IGFN1: variants seen among roughly 807,000 people sequenced by gnomAD.
The protein encoded by IGFN1 is immunoglobulin-like and fibronectin type III domain-containing protein 1.
A neutral mutation model predicts 289.5 loss-of-function variants in IGFN1; 253 were observed. That is an observed-to-expected ratio of 0.87 (90% confidence interval 0.79 to 0.97). The LOEUF is 0.97. Ranked by LOEUF, IGFN1 falls within the 50% of genes least tolerant of loss-of-function variation. The pLI, the probability that IGFN1 is intolerant of heterozygous loss-of-function variation, is 0.00. For missense variants in IGFN1, 4,470 were observed against 4,686.1 expected (o/e 0.95, Z 1.35); for synonymous variants, 1,706 against 1,788.5 (o/e 0.95, Z 1.16).
chr1:201,192,459 C>T (rs998385061), intron 1 of IGFN1, among the ~76,000 whole-genome samples: 3 of 152,120 alleles, frequency 2.0e-5, no homozygotes, highest in African/African-American at 7.2e-5. Context: ...GTGGGACTCC[C>T]CATTGGCCAT....
In IGFN1 at chr1:201,205,320, G is replaced by A; in HGVS notation, c.1155G>A (p.Gly385=). 1 of 1,547,382 alleles carries A rather than the reference G, an allele frequency of 6.5e-7. No individual in the cohort carries two copies. Residue 385 remains glycine (G), a synonymous_variant, in exon 11 of 24, where the codon GGG becomes GGA. Coordinates refer to ENST00000335211, the MANE Select transcript of IGFN1 (RefSeq NM_001164586.2). ...SDMGPYSLGT[G]LYTSSAWLVV... Reference sequence around the variant, plus strand: ...TGGGCCCCTATTCGCTGGGCACCGGGCTCTACACTTCCAGCGCCTGGCTGG... The same window carrying A: ...TGGGCCCCTATTCGCTGGGCACCGGACTCTACACTTCCAGCGCCTGGCTGG...
rs1371330911 is a variant in IGFN1 at position 201,212,259 on chromosome 1, A to G, written c.7366A>G (p.Thr2456Ala). 1 of 1,535,336 alleles carries G rather than the reference A, an allele frequency of 6.5e-7. No individual in the cohort carries two copies. Among genetic ancestry groups the G allele is most frequent in the Non-Finnish European group, 8.7e-7 (1 of 1,146,360 alleles). The change falls in exon 12 of 24, where the codon ACT (threonine) becomes GCT (alanine). Residue 2456 changes from threonine (T) to alanine (A), a missense_variant. Physicochemically the swap from Thr to Ala is moderately conservative, Grantham distance 58 (BLOSUM62 0). Transcript: ENST00000335211. ...GVLGSQGGRQ[T>A]LSDERGSTKD... The stretch of plus-strand genomic sequence containing the variant: ...GCTGGGGTCTCAGGGAGGGCGACAG[A>G]CTCTTTCAGATGAGCGAGGCTCCAC...
In IGFN1 at chr1:201,200,404, T is replaced by C. The variant is rs199649936; in HGVS notation, c.626T>C (p.Met209Thr). ...ATGAAGAAGGAACAGGAGGACAAGA[T>C]GGCACAGGTGCCTCACCCCATTCCC... Reference protein sequence around the residue: ...QEMKKEQEDKMAQYINTISSL... With the variant: ...QEMKKEQEDKTAQYINTISSL... The change falls in exon 8 of 24, where the codon ATG (methionine) becomes ACG (threonine). Residue 209 changes from methionine to threonine, a missense_variant. Coordinates refer to ENST00000335211, the MANE Select transcript of IGFN1 (RefSeq NM_001164586.2). The C allele has an allele frequency of 9.2e-4, 1,435 of 1,551,474 alleles. 3 individuals are homozygous for C. Among genetic ancestry groups the C allele is most frequent in the Non-Finnish European group, 1.2e-3 (1,366 of 1,146,888 alleles).
At chr1:201,197,441 C>T in intron 5 of IGFN1, 124 bp downstream of exon 5, 1 of 664,244 alleles carries the variant, frequency 1.5e-6, no homozygotes, top group Non-Finnish European at 2.7e-6. Flanking sequence ...GCTGCTGCCG[C>T]TGCTGCAGCC....
rs1466138769 is a variant in IGFN1, at chr1:201,208,884, C to T, written c.3991C>T (p.Pro1331Ser). ...AGGTTATAGGAAAGATTTAGGGGCT[C>T]CTGAGGGAATAAGTTCAGGGAGCAA... ...EAGYRKDLGA[P>S]EGISSGSKAD... The change falls in exon 12 of 24, where the codon CCT becomes TCT. Residue 1331 changes from proline to serine, a missense_variant. Around this residue, in one of 8 missense-constraint regions of IGFN1, gnomAD observed 2,011 missense variants for 1,953.4 expected, o/e 1.03. Transcript: ENST00000335211. 2 of 1,536,078 alleles carry T rather than the reference C, an allele frequency of 1.3e-6. No individual in the cohort carries two copies. The highest frequency in any genetic ancestry group is 1.2e-5 in the South Asian group (1 of 83,996).
At position 201,214,220 on chromosome 1, in the gene IGFN1, G is replaced by A. The variant is rs1205532626; in HGVS notation, c.8772G>A (p.Val2924=). 6.2e-7 allele frequency: 1 copy of A among 1,613,372 alleles called. No homozygotes were observed. Among genetic ancestry groups the A allele is most frequent in the Admixed American group, 1.7e-5 (1 of 60,010 alleles). ...CCCAGGGCCTGGCTGACATGGAAGT[G>A]CAGCCGGGGGAGGCCGCCACACTCT... ...HFSQGLADME[V]QPGEAATLSC... Residue 2924 remains valine (V), a synonymous_variant, in exon 13 of 24, where the codon GTG becomes GTA. Coordinates refer to ENST00000335211, the MANE Select transcript of IGFN1 (RefSeq NM_001164586.2).
Position 201,208,831 on chromosome 1 carries a change from C to A in IGFN1, c.3938C>A (p.Ser1313Tyr), listed in dbSNP as rs1301439774. 6.5e-7 allele frequency: 1 copy of A among 1,535,850 alleles called. No individual in the cohort carries two copies. The highest frequency in any genetic ancestry group is 1.4e-5 in the African/African-American group (1 of 72,648). The change falls in exon 12 of 24, where the codon TCT (serine) becomes TAT (tyrosine). Residue 1313 changes from serine (S) to tyrosine (Y), a missense_variant. By Grantham distance (144) the Ser-to-Tyr change is moderately radical. Transcript: ENST00000335211. ...GATTATAGGGATGGTGTAGGGGGTT[C>A]TGGGGCAATGGGGTCAATGGATGAA... ...KADYRDGVGG[S>Y]GAMGSMDEAG...
chr1:201,226,526 G>A (rs1171023606), intron 22 of IGFN1, among the ~76,000 whole-genome samples: 2 of 152,114 alleles, frequency 1.3e-5, no homozygotes, highest in Non-Finnish European at 2.9e-5. Flanking sequence ...ATCAAATCAA[G>A]GTTTCATTTT....
At position 201,216,743 on chromosome 1, in the gene IGFN1, G is replaced by A; in HGVS notation, c.9585G>A (p.Val3195=). The A allele has an allele frequency of 6.2e-7, 1 of 1,603,546 alleles. No homozygotes were observed. The highest frequency in any genetic ancestry group is 8.5e-7 in the Non-Finnish European group (1 of 1,173,530). ...CCCTGGAGTCTGAGGAGATATTGGT[G>A]GCTCCTGAGGGTGAGAGAAAAGGCT... ...GEALESEEIL[V]APEALPKAPS... The change falls in exon 16 of 24, where the codon GTG becomes GTA. Residue 3195 remains valine, a synonymous_variant. Transcript: ENST00000335211.
At chr1:201,215,404 C>G (rs922263202) in intron 14 of IGFN1, 135 bp from the exon 15 acceptor site, 2 of 860,530 alleles carry the variant, frequency 2.3e-6, no homozygotes, top group Non-Finnish European at 3.5e-6. Context: ...AAGCCCCTTC[C>G]CCTTGTTTGT....
Position 201,213,229 on chromosome 1 carries a change from G to T in IGFN1, c.8336G>T (p.Gly2779Val). 2 of 1,551,724 alleles carry T rather than the reference G, an allele frequency of 1.3e-6. No homozygotes were observed. The highest frequency in any genetic ancestry group is 1.7e-6 in the Non-Finnish European group (2 of 1,146,986). ...GGAAAGAGGTCCCTCGGGGAGCAGGGGTCCCTGGAGGCTGAGAATGGTGAG... is the reference window on the plus strand; with the variant it reads ...GGAAAGAGGTCCCTCGGGGAGCAGGTGTCCCTGGAGGCTGAGAATGGTGAG... ...RGGKRSLGEQ[G>V]SLEAENGEVQ... The change falls in exon 12 of 24, where the codon GGG (glycine) becomes GTG (valine). Residue 2779 changes from glycine (G) to valine (V), a missense_variant. Gly to Val is a moderately radical substitution (Grantham distance 109). Around this residue, in one of 8 missense-constraint regions of IGFN1, gnomAD observed 2,218 missense variants for 2,114.1 expected, o/e 1.05. Transcript: ENST00000335211.
chr1:201,192,117 A>G (rs1252148842), intron 1 of IGFN1, among the ~76,000 whole-genome samples: 2 of 151,930 alleles, frequency 1.3e-5, no homozygotes, highest in East Asian at 3.9e-4. Flanking sequence ...ACCCGTGACC[A>G]CTCCAGAACG....
Position 201,218,420 on chromosome 1 carries a change from G to A in IGFN1, c.9770-110G>A, listed in dbSNP as rs564557876. ...CAGCGGGTGGAGGGATGTAGGGAGG[G>A]ATGTGTTAGGACCCCAGGCTTGGTC... On this transcript the variant is annotated intron_variant, in intron 17 of 23. Transcript: ENST00000335211. 7.7e-5 allele frequency: 77 copies of A among 994,274 alleles called. No individual in the cohort carries two copies. In the South Asian group the frequency reaches 1.1e-3, roughly 14 times the overall value. The allele number at this position is 994,274 out of a possible 1,614,324, so 61.6% of individuals were successfully genotyped here.
chr1:201,193,486 CTG>C (rs1241187752), intron 2 of IGFN1, among the ~76,000 whole-genome samples, 186 bp downstream of exon 2: 1 of 152,064 alleles, frequency 6.6e-6, no homozygotes, highest in Non-Finnish European at 1.5e-5. Flanking sequence ...GAATCTCACT[CTG>C]TTGCCCAGGC....
intron 18 of IGFN1, among the ~76,000 whole-genome samples, chr1:201,219,980 TTCTGTCTG>T (rs150072575): frequency 6.7e-6 from 1 of 149,984 alleles, no homozygotes; most frequent in Admixed American, 6.7e-5. Context: ...TCTTTCTTTT[TTCTGTCTG>T]TCTGTCATTC....
At chr1:201,193,341 C>T (rs372466094) in intron 2 of IGFN1, 41 bp downstream of exon 2, 23 of 1,474,698 alleles carry the variant, frequency 1.6e-5, no homozygotes, top group East Asian at 4.9e-5. Context: ...CCCTCCCTGG[C>T]GATCCTTACC....
Position 201,214,277 on chromosome 1 carries a change from C to A in IGFN1, c.8829C>A (p.Gly2943=). 6.2e-7 allele frequency: 1 copy of A among 1,611,912 alleles called. No individual in the cohort carries two copies. Among genetic ancestry groups the A allele is most frequent in the Non-Finnish European group, 8.5e-7 (1 of 1,178,510 alleles). The change falls in exon 13 of 24, where the codon GGC becomes GGA. Residue 2943 remains glycine (G), a synonymous_variant. Coordinates refer to ENST00000335211, the MANE Select transcript of IGFN1 (RefSeq NM_001164586.2). ...CCCTCACCAGTGACCTGGGACCTGG[C>A]ACCTGGTTTAAGGATGGCGTCAAGG... ...SCTLTSDLGP[G]TWFKDGVKLT...
At chr1:201,198,266 G>C (rs145927246) in intron 5 of IGFN1, among the ~76,000 whole-genome samples, 1 of 152,202 alleles carries the variant, frequency 6.6e-6, no homozygotes, top group African/African-American at 2.4e-5. Flanking sequence ...CTCCTGAGTA[G>C]CTGGGATTAC....
chr1:201,212,938 C>A lies in IGFN1; in HGVS notation c.8045C>A (p.Ala2682Glu). The A allele has an allele frequency of 6.4e-7, 1 of 1,551,464 alleles. No individual in the cohort carries two copies. The highest frequency in any genetic ancestry group is 8.7e-7 in the Non-Finnish European group (1 of 1,146,930). The part of the protein sequence containing the change: ...KGGEGAPGQE[A>E]AGGCRSPWSL... ...GGGGAGGGTGCACCAGGCCAAGAGG[C>A]GGCTGGTGGATGCCGAAGCCCATGG... Residue 2682 changes from alanine to glutamate, a missense_variant, in exon 12 of 24, where the codon GCG (alanine) becomes GAG (glutamate). Physicochemically the swap from Ala to Glu is moderately radical, Grantham distance 107. This residue lies in a region of IGFN1 where 2,218 missense variants were observed against 2,114.1 expected (regional missense o/e 1.05). Coordinates refer to ENST00000335211, the MANE Select transcript of IGFN1 (RefSeq NM_001164586.2).
Sources: gnomAD v4.1 joint callset for allele counts (sites outside exome capture counted in the v4.1 genomes callset) on GRCh38, gnomAD v4.1.1 for gene constraint, gnomAD v4.1.1 regional missense constraint, MANE v1.5 for transcripts, NCBI Gene and HGNC (gene_info 2026-07-23, HGNC 2026-07-21) for gene names.